NIN: variants seen among roughly 807,000 people sequenced by gnomAD.
The protein encoded by NIN is ninein, also known as glycogen synthase kinase 3 beta-interacting protein.
Under a neutral mutation model 257.6 loss-of-function variants are expected in NIN, and 137 were observed. The observed-to-expected ratio is 0.53, with a 90% CI of 0.46 to 0.61. The LOEUF (loss-of-function observed/expected upper bound fraction) is 0.61, where lower values mean the gene tolerates loss of function less well. Ranked by LOEUF, NIN falls within the 20% of genes least tolerant of loss-of-function variation. The pLI is 0.00. For missense variants in NIN, 2,439 were observed against 2,501.2 expected, an observed-to-expected ratio of 0.98 and a Z score of 0.53; for synonymous variants, 918 against 919.8, an observed-to-expected ratio of 1.00 and a Z score of 0.04.
chr14:50,821,389 C>A (rs905820676), intron 3 of NIN, among the ~76,000 whole-genome samples: 1 of 152,190 alleles, frequency 6.6e-6, no homozygotes, highest in Admixed American at 6.5e-5. Flanking sequence ...TTTAAATGAA[C>A]CTGCACTGTA....
intron 11 of NIN, 36 bp downstream of exon 11, chr14:50,770,816 G>A: frequency 6.3e-7 from 1 of 1,597,994 alleles, no homozygotes; most frequent in Non-Finnish European, 8.5e-7. Flanking sequence ...GGGCCAGGGT[G>A]GTGGGTGAGG....
At chr14:50,824,257 G>A (rs1411869493) in intron 2 of NIN, among the ~76,000 whole-genome samples, 1 of 152,216 alleles carries the variant, frequency 6.6e-6, no homozygotes, top group African/African-American at 2.4e-5. Context: ...GTACTGAGAA[G>A]CCCTGATCTT....
chr14:50,744,266 C>A lies in NIN; in HGVS notation c.5164G>T (p.Glu1722Ter). The A allele has an allele frequency of 6.2e-7, 1 of 1,613,950 alleles. No individual in the cohort carries two copies. The highest frequency in any genetic ancestry group is 1.1e-5 in the South Asian group (1 of 91,062). Residue 1722 changes from glutamate to a stop codon, truncating the protein, a stop_gained, in exon 23 of 31, where the codon GAA becomes TAA. Coordinates refer to ENST00000530997, the MANE Select transcript of NIN (RefSeq NM_020921.4). LOFTEE classifies it high-confidence loss of function. ...LLKEKEALSEELNSCVDKLAK... is the reference protein window; with the variant it reads ...LLKEKEALSE ...ACCTTATCGACACAGCTATTTAATT[C>A]CTCACTCAGAGCTTCCTTTTCTTTC...
intron 21 of NIN, among the ~76,000 whole-genome samples, chr14:50,751,486 A>AAC (rs34833290): frequency 0.52 from 79,506 of 151,842 alleles, 21,460 homozygotes; most frequent in African/African-American, 0.64. Flanking sequence ...GAAATTATAC[A>AAC]AGTGTTGTTT....
intron 12 of NIN, among the ~76,000 whole-genome samples, chr14:50,768,052 AACACACACACACACACACACACACAC>A (rs61028485): frequency 1.5e-4 from 21 of 138,998 alleles, no homozygotes; most frequent in Non-Finnish European, 2.8e-4. Context: ...CACATTTGCC[AACACACACACACACACACACACACAC>A]ACACACACAC....
chr14:50,729,657 G>A lies in NIN; in HGVS notation c.5944C>T (p.Gln1982Ter). 1 of 1,613,766 alleles carries A rather than the reference G, an allele frequency of 6.2e-7. No homozygotes were observed. The highest frequency in any genetic ancestry group is 8.5e-7 in the Non-Finnish European group (1 of 1,179,900). Reference sequence around the variant, plus strand: ...GGCACCATCGGACAGGCTTGCTGCTGGAGCAGCTGCAAATCCCAAGCATGA... The same window carrying A: ...GGCACCATCGGACAGGCTTGCTGCTAGAGCAGCTGCAAATCCCAAGCATGA... ...SPHAWDLQLL[Q>*]QQACPMVPRE... The change falls in exon 29 of 31, where the codon CAG becomes TAG. Residue 1982 changes from glutamine (Q) to a stop codon, truncating the protein, a stop_gained. Transcript: ENST00000530997. LOFTEE classifies it high-confidence loss of function.
chr14:50,794,584 T>C, intron 4 of NIN: 1 of 459,622 alleles, frequency 2.2e-6, no homozygotes, highest in African/African-American at 2.1e-5. Flanking sequence ...TCTTAAATTT[T>C]GGTGGCAGAC....
At chr14:50,787,236 C>A (rs1244616698) in intron 5 of NIN, among the ~76,000 whole-genome samples, 11 of 152,164 alleles carry the variant, frequency 7.2e-5, no homozygotes, top group Admixed American at 7.2e-4. Context: ...ACAAGGTGTA[C>A]CCTGTTTTCA....
rs144067335 is a variant in NIN at position 50,753,020 on chromosome 14, T to G, written c.4735-287A>C. 2.4e-4 allele frequency among the ~76,000 whole-genome samples: 37 copies of G among 152,258 alleles called. No individual in the cohort carries two copies. In the East Asian group the frequency reaches 6.8e-3, roughly 28 times the overall value. On this transcript the variant is annotated intron_variant, in intron 20 of 30. Coordinates refer to ENST00000530997, the MANE Select transcript of NIN (RefSeq NM_020921.4). ...ATTTTCTACGCATATACAGAACCCA[T>G]ACACACATACAGATTCTTTTCTTCT...
At chr14:50,729,785 TG>T in intron 28 of NIN, 62 bp from the exon 29 acceptor site, 1 of 1,320,548 alleles carries the variant, frequency 7.6e-7, no homozygotes, top group South Asian at 1.5e-5. Flanking sequence ...CTGCCCTTTA[TG>T]GTGTCAGGCA....
chr14:50,792,670 C>T (rs1057025567), intron 5 of NIN, 42 bp downstream of exon 5: 9 of 1,611,004 alleles, frequency 5.6e-6, no homozygotes, highest in Non-Finnish European at 6.8e-6. Context: ...CGTGGGGCTC[C>T]ACACTCATGA....
chr14:50,769,822 A>G lies in NIN; in HGVS notation c.1434+566T>C, dbSNP rs72683620. Among the ~76,000 whole-genome samples, 1,180 of 152,138 alleles carry G rather than the reference A, an allele frequency of 7.8e-3. 12 individuals are homozygous for G. The highest frequency in any genetic ancestry group is 0.019 in the South Asian group (91 of 4,822). ...GCTGAGCATAATAACATGAGCCTAT[A>G]GTCCCAGCTACTTGGCAGGCCGAGG... is the stretch of plus-strand genomic sequence containing the variant. On this transcript the variant is annotated intron_variant, in intron 12 of 30. Coordinates refer to ENST00000530997, the MANE Select transcript of NIN (RefSeq NM_020921.4).
At chr14:50,747,626 C>CG (rs1345473055) in intron 22 of NIN, among the ~76,000 whole-genome samples, 3 of 151,366 alleles carry the variant, frequency 2.0e-5, no homozygotes, top group South Asian at 2.1e-4. Context: ...CCCAGCTACT[C>CG]GGGGGGCTGA....
chr14:50,808,756 T>C (rs2044447970), intron 3 of NIN, among the ~76,000 whole-genome samples: 1 of 152,212 alleles, frequency 6.6e-6, no homozygotes, highest in African/African-American at 2.4e-5. Context: ...GAGCACTGCA[T>C]GTATTTTATG....
At chr14:50,755,651 T>C (rs1157251411) in intron 18 of NIN, among the ~76,000 whole-genome samples, 1 of 11,726 alleles carries the variant, frequency 8.5e-5, no homozygotes, top group Non-Finnish European at 4.1e-4. Context: ...TTTGTCTCTT[T>C]TTTTTTTTTT....
chr14:50,817,362 G>A (rs1306222101), intron 3 of NIN, among the ~76,000 whole-genome samples: 1 of 152,088 alleles, frequency 6.6e-6, no homozygotes, highest in African/African-American at 2.4e-5. Context: ...ATGTATATAA[G>A]AAAAATAAAT....
At chr14:50,820,753 A>G (rs1432736830) in intron 3 of NIN, among the ~76,000 whole-genome samples, 2 of 152,214 alleles carry the variant, frequency 1.3e-5, no homozygotes, top group Non-Finnish European at 2.9e-5. Context: ...CAAAGAAGTC[A>G]CATATTTTTT....
intron 20 of NIN, among the ~76,000 whole-genome samples, chr14:50,753,526 AGACAT>A: frequency 1.2e-5 from 1 of 80,280 alleles, no homozygotes; most frequent in East Asian, 8.0e-4. Flanking sequence ...CCACGTTGAT[AGACAT>A]AAAGTTTTTA....
At chr14:50,725,409 T>TG (rs2040370099) in intron 30 of NIN, among the ~76,000 whole-genome samples, 1 of 152,176 alleles carries the variant, frequency 6.6e-6, no homozygotes, top group Non-Finnish European at 1.5e-5. Context: ...TCCTGGAATC[T>TG]GGGGTCTAGA....
Sources: gnomAD v4.1 joint callset for allele counts (sites outside exome capture counted in the v4.1 genomes callset) on GRCh38, gnomAD v4.1.1 for gene constraint, MANE v1.5 for transcripts, NCBI Gene and HGNC (gene_info 2026-07-23, HGNC 2026-07-21) for gene names.